The following CTNNA3 variants were observed in gnomAD, a reference collection of about 807,000 sequenced individuals.
CTNNA3 encodes catenin alpha-3.
CTNNA3 carries 76 observed loss-of-function variants against 95.7 expected under a neutral mutation model. The ratio of observed to expected loss-of-function variants is 0.79; its 90% confidence interval spans 0.66 to 0.96. The LOEUF is 0.96. CTNNA3 is among the 40% of genes least tolerant of loss of function. The probability of loss-of-function intolerance (pLI) is 0.00; values close to 1 mark genes in which losing one functional copy is unlikely to be tolerated. For missense variants in CTNNA3, 1,191 were observed against 1,089.8 expected (o/e 1.09, Z -1.31); for synonymous variants, 431 against 374.4 (o/e 1.15, Z -1.74).
chr10:66,590,878 G>C (rs1470064948), intron 10 of CTNNA3, among the ~76,000 whole-genome samples: 1 of 152,044 alleles, frequency 6.6e-6, no homozygotes, highest in Non-Finnish European at 1.5e-5. Flanking sequence ...GATATAAAAA[G>C]AGATGGCATT....
chr10:66,379,745 T>A (rs1041643824), intron 11 of CTNNA3, among the ~76,000 whole-genome samples: 1 of 152,190 alleles, frequency 6.6e-6, no homozygotes, highest in African/African-American at 2.4e-5. Flanking sequence ...ATAAAACTTA[T>A]ATATACATAA....
intron 5 of CTNNA3, among the ~76,000 whole-genome samples, chr10:67,236,678 TA>T (rs1359723924): frequency 2.7e-5 from 4 of 148,162 alleles, no homozygotes; most frequent in Admixed American, 2.7e-4. Context: ...AAATAAAAAA[TA>T]AAAAAATAAA....
At position 67,208,591 on chromosome 10, in the gene CTNNA3, C is replaced by T. The variant is rs142272860; in HGVS notation, c.843+11016G>A. ...GAGACAAAAATTAAAAGCCACAAGA[C>T]TCATCCAGACAGACCAACATTCATC... is the stretch of plus-strand genomic sequence containing the variant. On this transcript the variant is annotated intron_variant, in intron 6 of 17. Coordinates refer to ENST00000433211, the MANE Select transcript of CTNNA3 (RefSeq NM_013266.4). Among the ~76,000 whole-genome samples, 880 of 152,180 alleles carry T rather than the reference C, an allele frequency of 5.8e-3. 8 individuals are homozygous for T. Among genetic ancestry groups the T allele is most frequent in the African/African-American group, 0.02 (822 of 41,538 alleles).
rs35884096 is a variant in CTNNA3 at position 66,127,271 on chromosome 10, CAAA to C, written c.1885-24025_1885-24023del. 1.4e-3 allele frequency among the ~76,000 whole-genome samples: 104 copies of C among 74,130 alleles called. 1 individual carries two copies. The highest frequency in any genetic ancestry group is 4.2e-3 in the African/African-American group (81 of 19,450). 48.6% of individuals were successfully genotyped at this position (74,130 alleles called of 152,430 possible). ...TGGGCGACAGAGCAAGACTCTGTCT[CAAA>C]AAAAAAAAAAAAAAAAAAAGGGAAA... On this transcript the variant is annotated intron_variant, in intron 13 of 17. Transcript: ENST00000433211.
intron 5 of CTNNA3, among the ~76,000 whole-genome samples, chr10:67,252,980 T>A (rs1213858102): frequency 6.6e-6 from 1 of 152,220 alleles, no homozygotes; most frequent in Non-Finnish European, 1.5e-5. Context: ...AGAAGATTCA[T>A]TCTTACCATA....
chr10:66,266,105 G>T (rs1381171172), intron 13 of CTNNA3, among the ~76,000 whole-genome samples: 1 of 149,310 alleles, frequency 6.7e-6, no homozygotes, highest in Non-Finnish European at 1.5e-5. Context: ...GAAAGAGAGG[G>T]AGGAAGGAAG....
intron 15 of CTNNA3, among the ~76,000 whole-genome samples, chr10:66,051,427 C>G (rs753211027): frequency 9.2e-5 from 14 of 152,112 alleles, no homozygotes; most frequent in Non-Finnish European, 1.6e-4. Context: ...TTCCTTCAAC[C>G]TACTTACTTG....
At chr10:66,710,859 TAC>T (rs1293001899) in intron 9 of CTNNA3, among the ~76,000 whole-genome samples, 1 of 152,064 alleles carries the variant, frequency 6.6e-6, no homozygotes, top group East Asian at 1.9e-4. Flanking sequence ...TTGTTACAAT[TAC>T]AGTTTTGTAA....
intron 5 of CTNNA3, among the ~76,000 whole-genome samples, chr10:67,380,872 C>T (rs1021803524): frequency 1.3e-5 from 2 of 152,144 alleles, no homozygotes; most frequent in Non-Finnish European, 2.9e-5. Flanking sequence ...TTCTATTTCA[C>T]TTTGTACTTT....
chr10:66,668,179 T>A (rs10997289), intron 9 of CTNNA3, among the ~76,000 whole-genome samples: 11,502 of 152,144 alleles, frequency 0.076, 800 homozygotes, highest in East Asian at 0.24. Context: ...ATTTACTAAT[T>A]TATCACTAAG....
chr10:66,147,608 G>GT (rs34193216), intron 13 of CTNNA3, among the ~76,000 whole-genome samples: 1,348 of 105,746 alleles, frequency 0.013, 20 homozygotes, highest in Middle Eastern at 0.032. Flanking sequence ...GTTGCTTTCA[G>GT]TTTTTTTTTT....
At chr10:66,305,357 G>A (rs1286975260) in intron 12 of CTNNA3, among the ~76,000 whole-genome samples, 1 of 151,992 alleles carries the variant, frequency 6.6e-6, no homozygotes, top group Non-Finnish European at 1.5e-5. Context: ...TGATAATAAT[G>A]TATCCAACAC....
intron 5 of CTNNA3, among the ~76,000 whole-genome samples, chr10:67,328,829 C>T (rs967294429): frequency 6.6e-6 from 1 of 152,122 alleles, no homozygotes; most frequent in South Asian, 2.1e-4. Flanking sequence ...CATCTTGTCC[C>T]CCACCAATTC....
chr10:67,750,820 C>A, intron 1 of CTNNA3: 1 of 1,610,418 alleles, frequency 6.2e-7, no homozygotes, highest in Non-Finnish European at 8.5e-7. Context: ...GAAATATAAA[C>A]CAGTGACTAA....
At chr10:66,513,398 T>G (rs1403593726) in intron 11 of CTNNA3, among the ~76,000 whole-genome samples, 4 of 152,284 alleles carry the variant, frequency 2.6e-5, no homozygotes, top group African/African-American at 9.6e-5. Context: ...GGCTTCACAG[T>G]GTCTTATGCT....
At chr10:66,394,885 T>C (rs1180405518) in intron 11 of CTNNA3, among the ~76,000 whole-genome samples, 1 of 151,934 alleles carries the variant, frequency 6.6e-6, no homozygotes, top group Non-Finnish European at 1.5e-5. Flanking sequence ...ATGACACATA[T>C]AGCAGAAAAG....
At chr10:66,369,633 T>C (rs2092738173) in intron 12 of CTNNA3, among the ~76,000 whole-genome samples, 1 of 152,198 alleles carries the variant, frequency 6.6e-6, no homozygotes, top group Non-Finnish European at 1.5e-5. Context: ...AAACAATTAA[T>C]TGATTTCATT....
intron 10 of CTNNA3, among the ~76,000 whole-genome samples, chr10:66,587,049 C>T (rs1480100015): frequency 6.6e-6 from 1 of 152,130 alleles, no homozygotes; most frequent in Non-Finnish European, 1.5e-5. Flanking sequence ...AGTTTCCCAG[C>T]ACCAGGTGCC....
At chr10:67,666,526 A>G (rs1191511093) in intron 1 of CTNNA3, among the ~76,000 whole-genome samples, 1 of 152,164 alleles carries the variant, frequency 6.6e-6, no homozygotes, top group African/African-American at 2.4e-5. Context: ...AATACTCTGC[A>G]CTGCTCAATC....
Sources: allele counts gnomAD v4.1 joint callset (sites outside exome capture counted in the v4.1 genomes callset), GRCh38; gene constraint gnomAD v4.1.1; transcripts MANE v1.5; gene names NCBI Gene and HGNC (gene_info 2026-07-23, HGNC 2026-07-21).